FAM107B: variants seen among roughly 807,000 people sequenced by gnomAD.
FAM107B encodes the protein family with sequence similarity 107 member B, also known as protein FAM107B.
Under a neutral mutation model 31.5 loss-of-function variants are expected in FAM107B, and 21 were observed. The ratio of observed to expected loss-of-function variants is 0.67; its 90% CI spans 0.47 to 0.96. FAM107B has a LOEUF of 0.96. Among genes scored for constraint, FAM107B ranks in the 40% least tolerant of loss-of-function variants. The pLI is 0.00. For missense variants in FAM107B, 452 were observed against 377.1 expected (o/e 1.20, Z -1.64); for synonymous variants, 157 against 141.5 (o/e 1.11, Z -0.78).
In FAM107B at chr10:14,569,129, T is replaced by C. The variant is rs144337872; in HGVS notation, c.470-38614A>G. 3.9e-3 allele frequency among the ~76,000 whole-genome samples: 601 copies of C among 152,316 alleles called. 12 individuals are homozygous for C. The highest frequency in any genetic ancestry group is 1.7e-3 in the Non-Finnish European group (115 of 68,026). On this transcript the variant is annotated intron_variant, in intron 2 of 4. Transcript: ENST00000181796. ...TCTCAAAGGTCTGTTTCACAAATAA[T>C]CATCCTCGTTCTGATGTTTATTCAA...
intron 2 of FAM107B, among the ~76,000 whole-genome samples, chr10:14,581,898 A>C (rs1851648320): frequency 6.6e-6 from 1 of 152,162 alleles, no homozygotes; most frequent in African/African-American, 2.4e-5. Flanking sequence ...ACAGAGCAAG[A>C]CCATGTCTCA....
intron 2 of FAM107B, among the ~76,000 whole-genome samples, chr10:14,565,891 A>G (rs1446780370): frequency 6.6e-6 from 1 of 152,080 alleles, no homozygotes; most frequent in Non-Finnish European, 1.5e-5. Flanking sequence ...CACAGTGGTA[A>G]ATCCCAGCTG....
At chr10:14,747,904 G>C (rs72770560) in intron 1 of FAM107B, among the ~76,000 whole-genome samples, 242 of 152,296 alleles carry the variant, frequency 1.6e-3, no homozygotes, top group Non-Finnish European at 3.0e-3. Flanking sequence ...GCCATGCAAA[G>C]CTCTTATGAT....
At chr10:14,571,955 A>T (rs1851261892) in intron 2 of FAM107B, 1 of 985,342 alleles carries the variant, frequency 1.0e-6, no homozygotes, top group Non-Finnish European at 1.2e-6. Flanking sequence ...CCTTAAGCCC[A>T]AGGTAGCAAA....
At chr10:14,758,291 C>T (rs1048734213) in intron 1 of FAM107B, among the ~76,000 whole-genome samples, 7 of 152,090 alleles carry the variant, frequency 4.6e-5, no homozygotes, top group African/African-American at 1.4e-4. Context: ...GCGAGGATAA[C>T]GGAAGCTGTT....
chr10:14,666,650 A>G (rs1854411094), intron 2 of FAM107B, among the ~76,000 whole-genome samples: 1 of 152,174 alleles, frequency 6.6e-6, no homozygotes, highest in South Asian at 2.1e-4. Flanking sequence ...CTGGGACAGG[A>G]CATTTGAACT....
chr10:14,767,252 C>T (rs1041141214), intron 1 of FAM107B, among the ~76,000 whole-genome samples: 22 of 150,484 alleles, frequency 1.5e-4, no homozygotes, highest in Admixed American at 8.0e-4. Flanking sequence ...CTACCACACC[C>T]AGCTAATTTT....
At chr10:14,767,024 GTATATATATATATA>G (rs369321562) in intron 1 of FAM107B, among the ~76,000 whole-genome samples, 11 of 16,234 alleles carry the variant, frequency 6.8e-4, no homozygotes, top group Admixed American at 1.4e-3. Context: ...TGATGTGTAT[GTATATATATATATA>G]TATATATATA....
At chr10:14,544,515 C>T (rs1848525027) in intron 2 of FAM107B, among the ~76,000 whole-genome samples, 1 of 152,176 alleles carries the variant, frequency 6.6e-6, no homozygotes, top group Non-Finnish European at 1.5e-5. Flanking sequence ...TTTTCTTATT[C>T]CCTTACATTT....
At chr10:14,544,081 G>C (rs1848487889) in intron 2 of FAM107B, among the ~76,000 whole-genome samples, 1 of 152,148 alleles carries the variant, frequency 6.6e-6, no homozygotes, top group South Asian at 2.1e-4. Flanking sequence ...CCCGAGGAGA[G>C]ACTCAACTGC....
Position 14,714,579 on chromosome 10 carries a change from G to A in FAM107B, c.412-46888C>T, listed in dbSNP as rs572539658. 1.2e-4 allele frequency among the ~76,000 whole-genome samples: 19 copies of A among 152,294 alleles called. No individual in the cohort carries two copies. The South Asian group carries it at 2.3e-3, about 18-fold the overall frequency. ...CCTGCACCCTTCATTAGCAGGCAAC[G>A]AGGGTACAGATGGCAGCACACCTAC... is the stretch of plus-strand genomic sequence containing the variant. On this transcript the variant is annotated intron_variant, in intron 1 of 4. Transcript: ENST00000181796.
chr10:14,747,622 G>A (rs1832751748), intron 1 of FAM107B, among the ~76,000 whole-genome samples: 1 of 152,148 alleles, frequency 6.6e-6, no homozygotes, highest in South Asian at 2.1e-4. Flanking sequence ...CACACCTGGA[G>A]GTGTCACCAG....
At chr10:14,604,333 AG>A (rs1852516694) in intron 2 of FAM107B, 1 of 855,460 alleles carries the variant, frequency 1.2e-6, no homozygotes, top group African/African-American at 1.9e-5. Context: ...CGGCGGCCCG[AG>A]GCGGCGCGAG....
intron 2 of FAM107B, among the ~76,000 whole-genome samples, chr10:14,583,484 C>T (rs1851721342): frequency 6.6e-6 from 1 of 152,170 alleles, no homozygotes; most frequent in Non-Finnish European, 1.5e-5. Flanking sequence ...TCACCACCCA[C>T]TCACCTCCGC....
chr10:14,723,832 C>A, intron 1 of FAM107B: 1 of 756,646 alleles, frequency 1.3e-6, no homozygotes, highest in Middle Eastern at 3.3e-4. Flanking sequence ...GGACATGACA[C>A]TGACATCAGC....
chr10:14,540,703 A>G (rs1475832821), intron 2 of FAM107B, among the ~76,000 whole-genome samples: 24 of 152,238 alleles, frequency 1.6e-4, no homozygotes, highest in Non-Finnish European at 2.9e-5. Context: ...AGCTGTTTCT[A>G]AAGTGTGTGT....
chr10:14,606,580 T>C (rs1227943759), intron 2 of FAM107B, among the ~76,000 whole-genome samples: 1 of 152,182 alleles, frequency 6.6e-6, no homozygotes, highest in Non-Finnish European at 1.5e-5. Flanking sequence ...ACAGGACCTA[T>C]AGGGAGGTAA....
intron 2 of FAM107B, among the ~76,000 whole-genome samples, chr10:14,643,461 G>A (rs1853678586): frequency 6.6e-6 from 1 of 150,742 alleles, no homozygotes; most frequent in Non-Finnish European, 1.5e-5. Flanking sequence ...CCAGGCTGGA[G>A]TGCAGTAATG....
intron 1 of FAM107B, among the ~76,000 whole-genome samples, chr10:14,698,372 G>A (rs546681365): frequency 6.6e-6 from 1 of 152,350 alleles, no homozygotes; most frequent in South Asian, 2.1e-4. Context: ...ACTGGCAGGG[G>A]TGAACAAAGT....
Sources: allele counts gnomAD v4.1 joint callset (sites outside exome capture counted in the v4.1 genomes callset), GRCh38; gene constraint gnomAD v4.1.1; transcripts MANE v1.5; gene names NCBI Gene and HGNC (gene_info 2026-07-23, HGNC 2026-07-21).